The following INPP4B variants were observed in gnomAD, a reference collection of about 807,000 sequenced individuals.
The protein encoded by INPP4B is inositol polyphosphate-4-phosphatase type II B.
In INPP4B, 55 loss-of-function variants were observed where a neutral mutation model predicts 122.5. The ratio of observed to expected loss-of-function variants is 0.45; its 90% CI spans 0.36 to 0.56. The LOEUF (loss-of-function observed/expected upper bound fraction) is 0.56, where lower values mean the gene tolerates loss of function less well. Ranked by LOEUF, INPP4B falls within the 20% of genes least tolerant of loss-of-function variation. INPP4B has a pLI of 0.00. For synonymous variants in INPP4B, 403 were observed against 388.7 expected (o/e 1.04, Z -0.43); for missense variants, 1,000 against 1,097.7 (o/e 0.91, Z 1.26).
At chr4:142,753,926 C>T (rs1185079275) in intron 1 of INPP4B, among the ~76,000 whole-genome samples, 2 of 151,970 alleles carry the variant, frequency 1.3e-5, no homozygotes, top group African/African-American at 4.8e-5. Flanking sequence ...GTATAATTCT[C>T]CTTCTACTTT....
chr4:142,818,139 CTCTTGGCA>C (rs752373181), intron 1 of INPP4B, among the ~76,000 whole-genome samples: 17 of 152,192 alleles, frequency 1.1e-4, no homozygotes, highest in Non-Finnish European at 2.2e-4. Flanking sequence ...AAACCAGCTA[CTCTTGGCA>C]TCGTATGAAA....
chr4:142,170,582 A>G (rs1409758239), intron 16 of INPP4B, among the ~76,000 whole-genome samples: 1 of 151,760 alleles, frequency 6.6e-6, no homozygotes, highest in Admixed American at 6.6e-5. Flanking sequence ...GGCTACTCAC[A>G]ATACTTACTT....
chr4:142,471,181 A>G (rs1005090331), intron 2 of INPP4B, among the ~76,000 whole-genome samples: 16 of 152,218 alleles, frequency 1.1e-4, no homozygotes, highest in Admixed American at 3.3e-4. Context: ...AAATGACAAT[A>G]CTGGCTATCA....
chr4:142,632,272 T>C (rs1023817755), intron 2 of INPP4B, among the ~76,000 whole-genome samples: 3 of 152,098 alleles, frequency 2.0e-5, no homozygotes, highest in African/African-American at 7.2e-5. Flanking sequence ...GAAAATGAAA[T>C]TCTGCCATTT....
At chr4:142,780,367 A>C (rs1387142425) in intron 1 of INPP4B, among the ~76,000 whole-genome samples, 2 of 152,228 alleles carry the variant, frequency 1.3e-5, no homozygotes, top group Non-Finnish European at 2.9e-5. Flanking sequence ...AATTTTCAGC[A>C]ATAGAATCTA....
intron 2 of INPP4B, among the ~76,000 whole-genome samples, chr4:142,547,908 G>A (rs17016344): frequency 0.24 from 36,325 of 152,008 alleles, 5,411 homozygotes; most frequent in East Asian, 0.77. Context: ...GAATATTCAG[G>A]CAAAAACAAT....
intron 2 of INPP4B, among the ~76,000 whole-genome samples, chr4:142,689,341 C>T (rs1580712021): frequency 6.6e-6 from 1 of 152,116 alleles, no homozygotes; most frequent in Non-Finnish European, 1.5e-5. Flanking sequence ...ATCTTTCTCA[C>T]CAATTAATTT....
chr4:142,336,329 G>A (rs2646093), intron 7 of INPP4B, among the ~76,000 whole-genome samples: 152,252 of 152,262 alleles, frequency 1, 76,121 homozygotes, highest in Middle Eastern at 1. Context: ...TACCGCTGGG[G>A]GCCACACACC....
chr4:142,610,764 A>T, intron 2 of INPP4B, among the ~76,000 whole-genome samples: 1 of 152,186 alleles, frequency 6.6e-6, no homozygotes, highest in East Asian at 1.9e-4. Flanking sequence ...TTGAAAATTA[A>T]CTGAGAAATA....
chr4:142,251,770 C>T (rs1464582874), intron 11 of INPP4B, among the ~76,000 whole-genome samples: 1 of 152,176 alleles, frequency 6.6e-6, no homozygotes, highest in East Asian at 1.9e-4. Context: ...GCCTCTCCTT[C>T]CCCATTCCCT....
chr4:142,762,795 G>A (rs928437632), intron 1 of INPP4B, among the ~76,000 whole-genome samples: 1 of 152,154 alleles, frequency 6.6e-6, no homozygotes, highest in African/African-American at 2.4e-5. Flanking sequence ...TCACTGCTAT[G>A]GTCTGAGTGT....
chr4:142,708,125 G>A (rs998178955), intron 2 of INPP4B, among the ~76,000 whole-genome samples: 2 of 152,164 alleles, frequency 1.3e-5, no homozygotes, highest in African/African-American at 4.8e-5. Context: ...TGGGTATCTG[G>A]TGGAAAAAAA....
intron 7 of INPP4B, among the ~76,000 whole-genome samples, chr4:142,400,280 T>C (rs1432159677): frequency 3.3e-5 from 5 of 152,198 alleles, no homozygotes; most frequent in African/African-American, 1.2e-4. Context: ...GAAGATCTGA[T>C]CGTCCTGAAT....
At chr4:142,676,364 A>C (rs1382437806) in intron 2 of INPP4B, among the ~76,000 whole-genome samples, 2 of 152,182 alleles carry the variant, frequency 1.3e-5, no homozygotes, top group Non-Finnish European at 2.9e-5. Flanking sequence ...GAATGGAAAA[A>C]CATTCCATGC....
At chr4:142,513,233 C>T (rs886723292) in intron 2 of INPP4B, among the ~76,000 whole-genome samples, 5 of 152,140 alleles carry the variant, frequency 3.3e-5, no homozygotes, top group Non-Finnish European at 7.4e-5. Flanking sequence ...GGCTGCTTTA[C>T]CAGAATACCA....
chr4:142,185,534 T>C (rs1832781907), intron 15 of INPP4B, among the ~76,000 whole-genome samples: 1 of 151,978 alleles, frequency 6.6e-6, no homozygotes, highest in East Asian at 1.9e-4. Context: ...TGGTATTACT[T>C]CTAAAATTTA....
chr4:142,038,028 G>A (rs1255638232), intron 25 of INPP4B, among the ~76,000 whole-genome samples: 1 of 152,142 alleles, frequency 6.6e-6, no homozygotes, highest in Non-Finnish European at 1.5e-5. Context: ...TTATATCATA[G>A]TCTGATAGGA....
intron 11 of INPP4B, among the ~76,000 whole-genome samples, chr4:142,253,892 T>G (rs13141038): frequency 0.64 from 96,576 of 152,042 alleles, 36,209 homozygotes; most frequent in Non-Finnish European, 0.82. Context: ...AGGCTCCACC[T>G]CTGGGGGCAG....
intron 14 of INPP4B, among the ~76,000 whole-genome samples, chr4:142,198,226 C>T (rs1000255941): frequency 6.6e-6 from 1 of 151,990 alleles, no homozygotes; most frequent in East Asian, 1.9e-4. Context: ...TGAACACACA[C>T]TATTTTCAAG....
Sources: allele counts gnomAD v4.1 joint callset (sites outside exome capture counted in the v4.1 genomes callset), GRCh38; gene constraint gnomAD v4.1.1; transcripts MANE v1.5; gene names NCBI Gene and HGNC (gene_info 2026-07-23, HGNC 2026-07-21).